Variants in NCOR1 observed in about 807,000 individuals in gnomAD.
The protein encoded by NCOR1 is nuclear receptor corepressor 1, also known as protein phosphatase 1, regulatory subunit 109.
NCOR1 carries 63 observed loss-of-function variants against 288.1 expected under a neutral mutation model. The ratio of observed to expected loss-of-function variants is 0.22; its 90% CI spans 0.18 to 0.27. The LOEUF is 0.27. Among genes scored for constraint, NCOR1 ranks in the 10% least tolerant of loss-of-function variants. The pLI is 1.00. For synonymous variants in NCOR1, 1,007 were observed against 1,065.9 expected (o/e 0.94, Z 1.08); for missense variants, 2,397 against 3,019.2 (o/e 0.79, Z 4.83).
At chr17:16,040,115 A>C (rs941431877) in intron 43 of NCOR1, 90 of 501,316 alleles carry the variant, frequency 1.8e-4, no homozygotes, top group East Asian at 5.3e-5. Context: ...TCCACAGATA[A>C]CTCCTTAAGG....
intron 42 of NCOR1, among the ~76,000 whole-genome samples, chr17:16,042,774 T>G (rs536694932): frequency 6.6e-6 from 1 of 152,116 alleles, no homozygotes; most frequent in Non-Finnish European, 1.5e-5. Flanking sequence ...GAGGAACTTT[T>G]TGTATGGGGA....
At chr17:16,063,814 A>C (rs2060809039) in intron 35 of NCOR1, among the ~76,000 whole-genome samples, 1 of 152,216 alleles carries the variant, frequency 6.6e-6, no homozygotes, top group Non-Finnish European at 1.5e-5. Context: ...CAATATCTTC[A>C]GGCCCAACTG....
intron 26 of NCOR1, among the ~76,000 whole-genome samples, chr17:16,077,847 TAATATA>T (rs1462554190): frequency 6.6e-6 from 1 of 152,144 alleles, no homozygotes; most frequent in East Asian, 1.9e-4. Context: ...TGCACCAACC[TAATATA>T]AATTTTCTAA....
intron 18 of NCOR1, among the ~76,000 whole-genome samples, chr17:16,112,769 G>A (rs898159746): frequency 5.3e-5 from 8 of 151,566 alleles, no homozygotes; most frequent in Non-Finnish European, 1.5e-5. Flanking sequence ...GATTAAAGGC[G>A]TGAGCCACTG....
chr17:16,038,250 A>G (rs542138043), intron 44 of NCOR1, among the ~76,000 whole-genome samples: 1 of 152,342 alleles, frequency 6.6e-6, no homozygotes, highest in Admixed American at 6.5e-5. Flanking sequence ...TTGTAAGATT[A>G]AAGCTTAGGA....
At chr17:16,052,526 C>CAT (rs1228277448) in intron 40 of NCOR1, among the ~76,000 whole-genome samples, 4 of 152,158 alleles carry the variant, frequency 2.6e-5, no homozygotes, top group Admixed American at 2.6e-4. Flanking sequence ...TTTCTGGTCA[C>CAT]ATACACCCTC....
rs61602885 is a variant in NCOR1, at chr17:16,155,368, A to ATAC, written c.733-1974_733-1973insGTA. 4.9e-3 allele frequency among the ~76,000 whole-genome samples: 673 copies of ATAC among 138,564 alleles called. 1 individual carries two copies. Among genetic ancestry groups the ATAC allele is most frequent in the African/African-American group, 0.017 (622 of 35,736 alleles). The allele number at this position is 138,564 out of a possible 152,430, so 90.9% of individuals were successfully genotyped here. A position where few individuals can be genotyped will look rare whatever the true frequency, so the allele number is the denominator to read the frequency against. On this transcript the variant is annotated intron_variant, in intron 6 of 45. Transcript: ENST00000268712. ...TGTGTCTCAAAAAAAAAAAAAAAAA[A>ATAC]ATACACACACACACACACACACACC...
Position 16,061,882 on chromosome 17 carries a change from A to G in NCOR1, c.5400T>C (p.Ala1800=), listed in dbSNP as rs770775166. Residue 1800 remains alanine (A), a synonymous_variant, in exon 37 of 46, where the codon GCT becomes GCC. Coordinates refer to ENST00000268712, the MANE Select transcript of NCOR1 (RefSeq NM_006311.4). ...GGCCTTGGCTTATTGAAGGGCCCCC[A>G]GCAGGCAGTGGCCTGTAAATAAAAC... ...TAQLRIMPLP[A]GGPSISQGLP... 7 of 1,608,758 alleles carry G rather than the reference A, an allele frequency of 4.4e-6. No homozygotes were observed. In the East Asian group the frequency reaches 6.7e-5, roughly 15 times the overall value.
At position 16,072,251 on chromosome 17, in the gene NCOR1, C is replaced by T. The variant is rs562350084; in HGVS notation, c.3812-23G>A. The T allele has an allele frequency of 1.9e-6, 3 of 1,565,510 alleles. No homozygotes were observed. The Admixed American group carries it at 5.1e-5, about 27-fold the overall frequency. Reference sequence around the variant, plus strand: ...GCCCTTCCAAAACAAGAAAGCAATTCAATTATTCAACATAATGTATATGTC... The same window carrying T: ...GCCCTTCCAAAACAAGAAAGCAATTTAATTATTCAACATAATGTATATGTC... On this transcript the variant is annotated intron_variant, in intron 28 of 45. Coordinates refer to ENST00000268712, the MANE Select transcript of NCOR1 (RefSeq NM_006311.4).
chr17:16,137,255 T>C, intron 14 of NCOR1, 56 bp downstream of exon 14: 1 of 1,137,802 alleles, frequency 8.8e-7, no homozygotes, highest in Non-Finnish European at 1.3e-6. Context: ...TAACACTTTT[T>C]GCTTGCCTAT....
intron 3 of NCOR1, among the ~76,000 whole-genome samples, chr17:16,182,904 TA>T (rs1367497410): frequency 1.3e-5 from 2 of 151,458 alleles, no homozygotes; most frequent in Non-Finnish European, 2.9e-5. Context: ...TTCCTACTGG[TA>T]AAAAGAAGAG....
Position 16,108,693 on chromosome 17 carries a change from T to TC in NCOR1, c.2182+92dup, listed in dbSNP as rs1289101771. On this transcript the variant is annotated intron_variant, in intron 19 of 45. Coordinates refer to ENST00000268712, the MANE Select transcript of NCOR1 (RefSeq NM_006311.4). Reference sequence around the variant, plus strand: ...ACCATGAAAACACTGGCACACTGTTTCCTCAATGAAGCAACTCCTACACAG... The same window carrying TC: ...ACCATGAAAACACTGGCACACTGTTTCCCTCAATGAAGCAACTCCTACACAG... The TC allele has an allele frequency of 4.6e-4, 489 of 1,067,400 alleles. 1 individual carries two copies. In the African/African-American group the frequency reaches 7.2e-3, roughly 16 times the overall value. The allele number at this position is 1,067,400 out of a possible 1,614,324, so 66.1% of individuals were successfully genotyped here.
In NCOR1 at chr17:16,057,756, G is replaced by C. The variant is rs779135019; in HGVS notation, c.6169-19C>G. On this transcript the variant is annotated intron_variant, in intron 39 of 45. Coordinates refer to ENST00000268712, the MANE Select transcript of NCOR1 (RefSeq NM_006311.4). The stretch of plus-strand genomic sequence containing the variant: ...TAATTTGCTGTGAATGAGAAATGAA[G>C]GAAGTGGTAAAATTCATTGAGTACT... 14 of 1,607,968 alleles carry C rather than the reference G, an allele frequency of 8.7e-6. No individual in the cohort carries two copies. The highest frequency in any genetic ancestry group is 1.7e-4 in the Middle Eastern group (1 of 5,970).
intron 3 of NCOR1, among the ~76,000 whole-genome samples, chr17:16,179,953 GTC>G (rs2085039774): frequency 1.1e-5 from 1 of 91,606 alleles, no homozygotes. Flanking sequence ...GCGAGACTCT[GTC>G]TCAAAAAAAA....
intron 41 of NCOR1, among the ~76,000 whole-genome samples, chr17:16,048,196 C>T (rs2058891636): frequency 6.6e-6 from 1 of 152,184 alleles, no homozygotes; most frequent in African/African-American, 2.4e-5. Context: ...AACTGCACGA[C>T]TATGGACAGA....
intron 18 of NCOR1, among the ~76,000 whole-genome samples, chr17:16,114,426 C>G (rs1436846950): frequency 6.6e-6 from 1 of 152,146 alleles, no homozygotes; most frequent in East Asian, 1.9e-4. Flanking sequence ...GCCTTCCCAA[C>G]AGTCCTCCAA....
intron 1 of NCOR1, among the ~76,000 whole-genome samples, chr17:16,207,432 T>A (rs2091644666): frequency 6.6e-6 from 1 of 151,838 alleles, no homozygotes. Flanking sequence ...AATCTAAGAG[T>A]CAAAATTTCC....
chr17:16,119,719 C>A (rs1158719108), intron 16 of NCOR1, among the ~76,000 whole-genome samples: 2 of 152,184 alleles, frequency 1.3e-5, no homozygotes, highest in African/African-American at 4.8e-5. Context: ...TTCATGTCTA[C>A]ATTTTTAAAC....
chr17:16,127,430 T>TAC (rs1491090531), intron 14 of NCOR1, among the ~76,000 whole-genome samples: 1 of 147,396 alleles, frequency 6.8e-6, no homozygotes, highest in Non-Finnish European at 1.5e-5. Context: ...CATGTGTATA[T>TAC]GTGTATGTAT....
Sources: allele counts gnomAD v4.1 joint callset (sites outside exome capture counted in the v4.1 genomes callset), GRCh38; gene constraint gnomAD v4.1.1; transcripts MANE v1.5; gene names NCBI Gene and HGNC (gene_info 2026-07-23, HGNC 2026-07-21).